ICA1L: variants seen among roughly 807,000 people sequenced by gnomAD.
ICA1L encodes the protein islet cell autoantigen 1 like.
Under a neutral mutation model 61.3 loss-of-function variants are expected in ICA1L, and 50 were observed. The ratio of observed to expected loss-of-function variants is 0.82; its 90% confidence interval spans 0.65 to 1.03. The LOEUF (loss-of-function observed/expected upper bound fraction) is 1.03. Among genes scored for constraint, ICA1L ranks in the 50% least tolerant of loss-of-function variants. The pLI is 0.00. For missense variants in ICA1L, 508 were observed against 556.7 expected (o/e 0.91, Z 0.88); for synonymous variants, 161 against 191.3 (o/e 0.84, Z 1.31).
At chr2:202,842,786 T>C (rs1007284430) in intron 1 of ICA1L, among the ~76,000 whole-genome samples, 3 of 152,218 alleles carry the variant, frequency 2.0e-5, no homozygotes, top group Admixed American at 2.0e-4. Context: ...ATAACTAGGA[T>C]ATTTGCTCTT....
chr2:202,793,752 C>A (rs935394146), intron 10 of ICA1L, among the ~76,000 whole-genome samples: 2 of 150,790 alleles, frequency 1.3e-5, no homozygotes, highest in African/African-American at 4.9e-5. Context: ...TTTGGGAGGC[C>A]GAGGCTGGTG....
intron 1 of ICA1L, among the ~76,000 whole-genome samples, chr2:202,854,419 T>C (rs1048035270): frequency 2.0e-5 from 3 of 152,120 alleles, no homozygotes; most frequent in African/African-American, 7.2e-5. Flanking sequence ...ACAAAAAGAC[T>C]TAGACTCGCA....
chr2:202,783,514 A>T (rs144750881), intron 12 of ICA1L, among the ~76,000 whole-genome samples: 1 of 152,174 alleles, frequency 6.6e-6, no homozygotes, highest in Admixed American at 6.5e-5. Flanking sequence ...CATTAGCTAA[A>T]CCCAAATTCA....
In ICA1L at chr2:202,774,257, A is replaced by G. The variant is rs1559121236; in HGVS notation, c.*5276T>C. 2 of 1,545,710 alleles carry G rather than the reference A, an allele frequency of 1.3e-6. No homozygotes were observed. The highest frequency in any genetic ancestry group is 1.2e-5 in the South Asian group (1 of 83,770). ...CTGAGTCTTCTCGCTCCTGTCGGCC[A>G]AAGGCCGTGACCCCGACGCGTGCAG... On this transcript the variant is annotated 3_prime_UTR_variant, in exon 13 of 13. Transcript: ENST00000358299.
chr2:202,789,881 C>T (rs778031416), intron 10 of ICA1L, among the ~76,000 whole-genome samples: 4 of 152,172 alleles, frequency 2.6e-5, no homozygotes, highest in Non-Finnish European at 5.9e-5. Flanking sequence ...TTCCATATCA[C>T]CAAACCAAAC....
At chr2:202,784,161 T>C (rs1000482580) in intron 12 of ICA1L, among the ~76,000 whole-genome samples, 8 of 152,042 alleles carry the variant, frequency 5.3e-5, no homozygotes, top group Non-Finnish European at 7.4e-5. Context: ...ACTGAAAACA[T>C]AGGAATCAGG....
intron 10 of ICA1L, 30 bp downstream of exon 10, chr2:202,796,860 C>G: frequency 7.8e-7 from 1 of 1,276,770 alleles, no homozygotes. Context: ...TTTAAAGAAT[C>G]ATTCATATGT....
In ICA1L at chr2:202,774,308, G is replaced by C; in HGVS notation, c.*5225C>G. The C allele has an allele frequency of 2.7e-6, 4 of 1,504,438 alleles. No individual in the cohort carries two copies. The highest frequency in any genetic ancestry group is 3.5e-6 in the Non-Finnish European group (4 of 1,132,770). 93.2% of individuals were successfully genotyped at this position (1,504,438 alleles called of 1,614,324 possible). ...GCACCTACGGGCGACCGCGGACGGC[G>C]GCGCGCGCGTTCCCCGCAGCGCTGA... On this transcript the variant is annotated 3_prime_UTR_variant, in exon 13 of 13. Transcript: ENST00000358299.
intron 10 of ICA1L, among the ~76,000 whole-genome samples, chr2:202,790,731 C>A (rs1405511707): frequency 6.6e-6 from 1 of 152,076 alleles, no homozygotes; most frequent in African/African-American, 2.4e-5. Flanking sequence ...ATATAGGGCC[C>A]CTGATCACTT....
chr2:202,864,327 T>G (rs1302473946), intron 1 of ICA1L, among the ~76,000 whole-genome samples: 1 of 151,880 alleles, frequency 6.6e-6, no homozygotes. Flanking sequence ...CACTGCAAGC[T>G]CCGCCTCCCG....
intron 1 of ICA1L, among the ~76,000 whole-genome samples, chr2:202,866,089 C>A (rs1223293841): frequency 6.6e-6 from 1 of 152,166 alleles, no homozygotes; most frequent in African/African-American, 2.4e-5. Flanking sequence ...CATAAATATA[C>A]AACCAAATGA....
At chr2:202,841,943 C>A (rs573391016) in intron 1 of ICA1L, among the ~76,000 whole-genome samples, 1 of 152,040 alleles carries the variant, frequency 6.6e-6, no homozygotes, top group South Asian at 2.1e-4. Context: ...CTTAACCTCC[C>A]AGGTTCAAGT....
intron 3 of ICA1L, among the ~76,000 whole-genome samples, chr2:202,823,897 T>A (rs1488343337): frequency 6.6e-6 from 1 of 152,252 alleles, no homozygotes; most frequent in Non-Finnish European, 1.5e-5. Flanking sequence ...GAAAAGCACA[T>A]GGCAGGTAGT....
At chr2:202,838,151 C>T (rs1574368183) in intron 1 of ICA1L, among the ~76,000 whole-genome samples, 1 of 152,192 alleles carries the variant, frequency 6.6e-6, no homozygotes, top group Non-Finnish European at 1.5e-5. Flanking sequence ...CTGTTCCCAG[C>T]AGTTTTAAGA....
rs1694499254 is a variant in ICA1L at position 202,847,643 on chromosome 2, A to AT, written c.-7-18628dup. ...GCTGGCACTTAAGAATTCATGTTAT[A>AT]TTTTTTCATTTTACTTTTTATCAGA... On this transcript the variant is annotated intron_variant, in intron 1 of 12. Coordinates refer to ENST00000358299, the MANE Select transcript of ICA1L (RefSeq NM_001288622.3). Among the ~76,000 whole-genome samples the AT allele has an allele frequency of 2.7e-5, 4 of 147,410 alleles. No individual in the cohort carries two copies. The Admixed American group carries it at 2.7e-4, about 10-fold the overall frequency.
At chr2:202,869,840 T>C (rs1330285720) in intron 1 of ICA1L, among the ~76,000 whole-genome samples, 1 of 152,054 alleles carries the variant, frequency 6.6e-6, no homozygotes, top group Non-Finnish European at 1.5e-5. Flanking sequence ...ATTTTAATGG[T>C]GAATACTGGA....
intron 9 of ICA1L, among the ~76,000 whole-genome samples, chr2:202,800,822 A>C (rs947212922): frequency 1.3e-5 from 2 of 152,184 alleles, no homozygotes; most frequent in African/African-American, 2.4e-5. Flanking sequence ...AGGTAAAAAC[A>C]ACCAAAGTAA....
At chr2:202,797,132 T>TTTTGTGTGTGTGTGTG (rs1553532256) in intron 9 of ICA1L, among the ~76,000 whole-genome samples, 168 bp from the exon 10 acceptor site, 16 of 147,724 alleles carry the variant, frequency 1.1e-4, no homozygotes, top group Admixed American at 8.1e-4. Context: ...AAAATCACAT[T>TTTTGTGTGTGTGTGTG]TGTGTGTGTG....
chr2:202,865,104 A>C (rs988577358), intron 1 of ICA1L, among the ~76,000 whole-genome samples: 11 of 151,672 alleles, frequency 7.3e-5, no homozygotes, highest in African/African-American at 2.7e-4. Flanking sequence ...TGGAGGTTGC[A>C]GTGAGCTGAG....
Sources: gnomAD v4.1 joint callset for allele counts (sites outside exome capture counted in the v4.1 genomes callset) on GRCh38, gnomAD v4.1.1 for gene constraint, MANE v1.5 for transcripts, NCBI Gene and HGNC (gene_info 2026-07-23, HGNC 2026-07-21) for gene names.